The following HPS5 variants were observed in gnomAD, a reference collection of about 807,000 sequenced individuals.
HPS5 encodes BLOC-2 complex member HPS5.
HPS5 carries 83 observed loss-of-function variants against 128.0 expected under a neutral mutation model. That is an observed-to-expected ratio of 0.65 (90% CI 0.54 to 0.78). HPS5 has a LOEUF of 0.78. Among genes scored for constraint, HPS5 ranks in the 30% least tolerant of loss-of-function variants. The probability of loss-of-function intolerance (pLI) is 0.00; values close to 1 mark genes in which losing one functional copy is unlikely to be tolerated. For synonymous variants in HPS5, 475 were observed against 470.2 expected (o/e 1.01, Z -0.13); for missense variants, 1,281 against 1,326.2 (o/e 0.97, Z 0.53).
At position 18,311,917 on chromosome 11, in the gene HPS5, G is replaced by T; in HGVS notation, c.216C>A (p.His72Gln). ...EGWKHRLFLS[H>Q]REGAISQVAC... ...ACAGAGCTGCCCTTAATCTTACCCT[G>T]TGTGAAAGAAAAAGCCTGTGCTTCC... The change falls in exon 3 of 23, where the codon CAC (histidine) becomes CAA (glutamine). Residue 72 changes from histidine (H) to glutamine (Q), a missense_variant. Coordinates refer to ENST00000349215, the MANE Select transcript of HPS5 (RefSeq NM_181507.2). 2 of 1,601,406 alleles carry T rather than the reference G, an allele frequency of 1.2e-6. No individual in the cohort carries two copies. Among genetic ancestry groups the T allele is most frequent in the South Asian group, 1.1e-5 (1 of 90,802 alleles).
In HPS5 at chr11:18,306,304, A is replaced by G. The variant is rs1354148977; in HGVS notation, c.655T>C (p.Tyr219His). 2 of 1,613,996 alleles carry G rather than the reference A, an allele frequency of 1.2e-6. No homozygotes were observed. The highest frequency in any genetic ancestry group is 3.3e-5 in the Admixed American group (2 of 60,000). Residue 219 changes from tyrosine to histidine, a missense_variant, in exon 7 of 23, where the codon TAT (tyrosine) becomes CAT (histidine). Transcript: ENST00000349215. ...CTTCCAGGAAAGAAACAAGCTCCAT[A>G]TTCTCCATCTCTTTCCTTGTTTCCA... Reference protein sequence around the residue: ...KIGNKERDGEYGACFFPGRCS... With the variant: ...KIGNKERDGEHGACFFPGRCS...
Position 18,298,807 on chromosome 11 carries a change from A to G in HPS5, c.1149T>C (p.Ser383=). 6.2e-7 allele frequency: 1 copy of G among 1,614,202 alleles called. No homozygotes were observed. The highest frequency in any genetic ancestry group is 8.5e-7 in the Non-Finnish European group (1 of 1,180,012). Residue 383 remains serine, a synonymous_variant, in exon 10 of 23, where the codon TCT becomes TCC. Coordinates refer to ENST00000349215, the MANE Select transcript of HPS5 (RefSeq NM_181507.2). ...AARTCCLFQN[S]VIASRARKTL... ...TCTGACTCACTCTGCTGGCAATGAC[A>G]GAATTTTGGAAAAGACAGCATGTAC...
intron 19 of HPS5, 97 bp downstream of exon 19, chr11:18,286,494 A>G: frequency 1.6e-6 from 2 of 1,251,238 alleles, no homozygotes; most frequent in Non-Finnish European, 2.3e-6. Context: ...GGAAGCCATG[A>G]TCTTAGCACC....
rs886048074 is a variant in HPS5, at chr11:18,279,700, G to A, written c.*182C>T. 92 of 641,554 alleles carry A rather than the reference G, an allele frequency of 1.4e-4. No homozygotes were observed. Among genetic ancestry groups the A allele is most frequent in the Non-Finnish European group, 2.3e-4 (82 of 357,290 alleles). 39.7% of individuals were successfully genotyped at this position (641,554 alleles called of 1,614,324 possible). On this transcript the variant is annotated 3_prime_UTR_variant, in exon 23 of 23. Coordinates refer to ENST00000349215, the MANE Select transcript of HPS5 (RefSeq NM_181507.2). ...ACAACTTTGGTTAAGAAACACTGAGGTCATGGATAAAGAGTCACAGATGCC... is the reference window on the plus strand; with the variant it reads ...ACAACTTTGGTTAAGAAACACTGAGATCATGGATAAAGAGTCACAGATGCC...
rs146149639 is a variant in HPS5, at chr11:18,321,657, G to C, written c.-50+289C>G. ...GTTTCTCTTTTGCCCCAGTAGGTGC[G>C]TGGAGGAAGAGGAGAAAGAAGTAAG... is the stretch of plus-strand genomic sequence containing the variant. On this transcript the variant is annotated intron_variant, in intron 1 of 22. Transcript: ENST00000349215. 3.8e-3 allele frequency among the ~76,000 whole-genome samples: 573 copies of C among 152,288 alleles called. 1 individual carries two copies. The highest frequency in any genetic ancestry group is 6.8e-3 in the Non-Finnish European group (462 of 68,032).
chr11:18,280,342 C>A (rs1385652144), intron 22 of HPS5, among the ~76,000 whole-genome samples: 2 of 152,006 alleles, frequency 1.3e-5, no homozygotes, highest in Non-Finnish European at 2.9e-5. Flanking sequence ...TACCTGACAC[C>A]CACTGGGATA....
At chr11:18,304,485 G>C (rs1338924570) in intron 8 of HPS5, among the ~76,000 whole-genome samples, 2 of 151,956 alleles carry the variant, frequency 1.3e-5, no homozygotes, top group Admixed American at 6.6e-5. Flanking sequence ...CAAATTGCTG[G>C]GATTACAGGC....
intron 6 of HPS5, among the ~76,000 whole-genome samples, chr11:18,307,421 T>C (rs1862497692): frequency 6.6e-6 from 1 of 152,220 alleles, no homozygotes; most frequent in African/African-American, 2.4e-5. Flanking sequence ...CAGGAAGTAG[T>C]GGTTTTATTA....
chr11:18,322,151 C>G (rs1003106757), upstream of HPS5: 1 of 152,506 alleles, frequency 6.6e-6, no homozygotes, highest in Middle Eastern at 3.4e-3. Flanking sequence ...AAGAGCGGAA[C>G]GTGAACTTCA....
chr11:18,312,558 T>C (rs918658154), intron 2 of HPS5, among the ~76,000 whole-genome samples: 4 of 152,210 alleles, frequency 2.6e-5, no homozygotes, highest in African/African-American at 9.6e-5. Context: ...ATTCCCAATC[T>C]TCTTCAATTT....
intron 6 of HPS5, 114 bp downstream of exon 6, chr11:18,308,817 AAAAAAGAAAAAAAAG>A: frequency 3.6e-6 from 3 of 833,596 alleles, no homozygotes; most frequent in South Asian, 1.6e-5. Flanking sequence ...CCCCATCTCA[AAAAAAGAAAAAAAAG>A]AAAAAGAAAA....
chr11:18,280,053 T>C (rs1359945624), intron 22 of HPS5, 111 bp from the exon 23 acceptor site: 29 of 1,117,944 alleles, frequency 2.6e-5, no homozygotes, highest in Non-Finnish European at 2.5e-5. Context: ...ACTGATTCTG[T>C]GCATTAAAAG....
intron 11 of HPS5, among the ~76,000 whole-genome samples, chr11:18,297,254 C>T (rs1461329105): frequency 6.6e-6 from 1 of 152,190 alleles, no homozygotes; most frequent in Non-Finnish European, 1.5e-5. Flanking sequence ...GACCTGCATT[C>T]AGGCTCAAAT....
rs547066308 is a variant in HPS5, at chr11:18,291,854, A to G, written c.2028T>C (p.Val676=). 86 of 1,609,562 alleles carry G rather than the reference A, an allele frequency of 5.3e-5. 1 individual carries two copies. The South Asian group carries it at 9.3e-4, about 17-fold the overall frequency. ...SMKLNQDVLL[V]NESKKGILDE... ...CTAATATTCCCTTTTTTGATTCATT[A>G]ACTAATAGCACATCCTGGTTCAATT... Residue 676 remains valine (V), a synonymous_variant, in exon 16 of 23, where the codon GTT becomes GTC. Transcript: ENST00000349215.
chr11:18,279,635 ACT>A lies in HPS5; in HGVS notation c.*245_*246del, dbSNP rs1343221501. ...TTCTAATTCCAGCAAACAAGGACTG[ACT>A]CTTTTCAAAATTCAACTTTGGTTAA... On this transcript the variant is annotated 3_prime_UTR_variant, in exon 23 of 23. Coordinates refer to ENST00000349215, the MANE Select transcript of HPS5 (RefSeq NM_181507.2). 1.8e-6 allele frequency: 1 copy of A among 549,534 alleles called. No homozygotes were observed. The highest frequency in any genetic ancestry group is 1.9e-5 in the African/African-American group (1 of 52,734). The allele number at this position is 549,534 out of a possible 1,614,324, so 34.0% of individuals were successfully genotyped here. A position where few individuals can be genotyped will look rare whatever the true frequency, so the allele number is the denominator to read the frequency against.
At chr11:18,319,255 C>CCCCACACACACACA (rs1251270915) in intron 1 of HPS5, among the ~76,000 whole-genome samples, 1 of 139,116 alleles carries the variant, frequency 7.2e-6, no homozygotes, top group African/African-American at 2.7e-5. Flanking sequence ...AAGACAAATA[C>CCCCACACACACACA]CACACACACA....
chr11:18,319,172 G>A (rs1863996639), intron 1 of HPS5, among the ~76,000 whole-genome samples: 1 of 151,374 alleles, frequency 6.6e-6, no homozygotes, highest in Non-Finnish European at 1.5e-5. Context: ...ACCTAGTAAA[G>A]TACCAGGCAC....
Position 18,280,139 on chromosome 11 carries a change from T to G in HPS5, c.3330-197A>C, listed in dbSNP as rs181730396. 1.6e-4 allele frequency among the ~76,000 whole-genome samples: 24 copies of G among 152,306 alleles called. No homozygotes were observed. The East Asian group carries it at 2.7e-3, about 17-fold the overall frequency. On this transcript the variant is annotated intron_variant, in intron 22 of 22. Coordinates refer to ENST00000349215, the MANE Select transcript of HPS5 (RefSeq NM_181507.2). ...GCAAATCATGTATCTGATAAGAGGT[T>G]AATATCCAGAATATCAGAGAACTCT... is the stretch of plus-strand genomic sequence containing the variant.
At chr11:18,291,171 T>G (rs376854263) in intron 16 of HPS5, among the ~76,000 whole-genome samples, 32 of 152,238 alleles carry the variant, frequency 2.1e-4, no homozygotes, top group African/African-American at 7.5e-4. Flanking sequence ...TGAGCCAAGA[T>G]GGCGCCACTG....
Sources: gnomAD v4.1 joint callset for allele counts (sites outside exome capture counted in the v4.1 genomes callset) on GRCh38, gnomAD v4.1.1 for gene constraint, MANE v1.5 for transcripts, NCBI Gene and HGNC (gene_info 2026-07-23, HGNC 2026-07-21) for gene names.